Variants in UBXN7 observed in about 807,000 individuals in gnomAD.
UBXN7 encodes the protein UBX domain-containing protein 7.
Under a neutral mutation model 58.0 loss-of-function variants are expected in UBXN7, and 9 were observed. The ratio of observed to expected loss-of-function variants is 0.16; its 90% CI spans 0.09 to 0.27. The LOEUF (loss-of-function observed/expected upper bound fraction) is 0.27. Ranked by LOEUF, UBXN7 falls within the 10% of genes least tolerant of loss-of-function variation. UBXN7 has a pLI of 1.00. For synonymous variants in UBXN7, 208 were observed against 205.0 expected, an observed-to-expected ratio of 1.01 and a Z score of -0.12; for missense variants, 328 against 599.6, an observed-to-expected ratio of 0.55 and a Z score of 4.73.
At chr3:196,358,403 C>T (rs939429100) in intron 10 of UBXN7, among the ~76,000 whole-genome samples, 1 of 152,174 alleles carries the variant, frequency 6.6e-6, no homozygotes, top group Non-Finnish European at 1.5e-5. Context: ...ACATACCTTA[C>T]GTGGCTTACC....
chr3:196,367,279 T>C (rs556481861), intron 8 of UBXN7, among the ~76,000 whole-genome samples: 1 of 152,310 alleles, frequency 6.6e-6, no homozygotes, highest in East Asian at 1.9e-4. Flanking sequence ...GAGATTGCTG[T>C]ATCTTTGCAA....
In UBXN7 at chr3:196,360,937, G is replaced by C. The variant is rs564438925; in HGVS notation, c.1308+907C>G. 6.6e-5 allele frequency among the ~76,000 whole-genome samples: 10 copies of C among 152,272 alleles called. No homozygotes were observed. The East Asian group carries it at 1.9e-3, about 29-fold the overall frequency. The stretch of plus-strand genomic sequence containing the variant: ...AGGATCACTTGAGCCGGGGCGGGGA[G>C]TCAAGGTTACAGTGAGCTATGACCA... On this transcript the variant is annotated intron_variant, in intron 10 of 10. Transcript: ENST00000296328.
intron 1 of UBXN7, among the ~76,000 whole-genome samples, chr3:196,426,909 A>G (rs1433356624): frequency 6.6e-6 from 1 of 152,130 alleles, no homozygotes; most frequent in African/African-American, 2.4e-5. Flanking sequence ...CAAACATGAC[A>G]GCCCCTAATT....
intron 3 of UBXN7, among the ~76,000 whole-genome samples, chr3:196,401,741 C>T (rs1440183409): frequency 8.9e-6 from 1 of 111,734 alleles, no homozygotes; most frequent in African/African-American, 3.5e-5. Context: ...CCAGCCTGGG[C>T]AACATAGCAA....
chr3:196,383,540 T>C (rs975165662), intron 5 of UBXN7, among the ~76,000 whole-genome samples: 4 of 152,160 alleles, frequency 2.6e-5, no homozygotes, highest in Non-Finnish European at 4.4e-5. Context: ...ACTGACCACA[T>C]AGTTGGAAGT....
intron 5 of UBXN7, among the ~76,000 whole-genome samples, chr3:196,376,767 C>T (rs1274606008): frequency 1.3e-5 from 2 of 151,554 alleles, no homozygotes; most frequent in Non-Finnish European, 2.9e-5. Flanking sequence ...AAATATTGGC[C>T]GGGTCCAGTG....
chr3:196,364,875 A>T (rs940044657), intron 8 of UBXN7, among the ~76,000 whole-genome samples: 5 of 152,026 alleles, frequency 3.3e-5, no homozygotes, highest in African/African-American at 1.2e-4. Flanking sequence ...GGAAAATTTT[A>T]AAGTAAACTT....
At position 196,348,238 on chromosome 3, in the gene UBXN7, G is replaced by C. The variant is rs1728130702; in HGVS notation, c.*8447C>G. The C allele has an allele frequency of 6.6e-6, 1 of 151,586 alleles. No individual in the cohort carries two copies. The allele number at this position is 151,586 out of a possible 1,614,324, so 9.4% of individuals were successfully genotyped here. A position where few individuals can be genotyped will look rare whatever the true frequency, so the allele number is the denominator to read the frequency against. The stretch of plus-strand genomic sequence containing the variant: ...TACAGGAGGGTCTCTAATGTGTCTT[G>C]AACAAAAAAATTTAGTGGATGGTCC... On this transcript the variant is annotated 3_prime_UTR_variant, in exon 11 of 11. Coordinates refer to ENST00000296328, the MANE Select transcript of UBXN7 (RefSeq NM_015562.2).
chr3:196,365,551 T>A (rs933761849), intron 8 of UBXN7, among the ~76,000 whole-genome samples: 1 of 152,094 alleles, frequency 6.6e-6, no homozygotes, highest in Non-Finnish European at 1.5e-5. Flanking sequence ...TATAGGCACA[T>A]GCCACACCCC....
At chr3:196,367,754 T>G (rs1297012033) in intron 8 of UBXN7, among the ~76,000 whole-genome samples, 1 of 152,168 alleles carries the variant, frequency 6.6e-6, no homozygotes, top group Non-Finnish European at 1.5e-5. Context: ...CTATTCACAT[T>G]GCTTCCTTCT....
intron 9 of UBXN7, 149 bp from the exon 10 acceptor site, chr3:196,362,072 C>T (rs1395085469): frequency 9.2e-6 from 9 of 982,730 alleles, no homozygotes; most frequent in African/African-American, 4.9e-5. Context: ...CAGCTCACTG[C>T]AACCTCCGCC....
intron 1 of UBXN7, among the ~76,000 whole-genome samples, chr3:196,425,711 A>G (rs939100350): frequency 2.6e-5 from 4 of 152,162 alleles, no homozygotes; most frequent in African/African-American, 4.8e-5. Context: ...GGAATTATCA[A>G]TTCCCTAAAC....
chr3:196,368,112 G>C lies in UBXN7; in HGVS notation c.750C>G (p.Phe250Leu). ...VEWHQLDVSS[F>L]LDQVTGFLGE... is the part of the protein sequence containing the mutation. ...CCAGAAATCCCGTCACTTGGTCCAA[G>C]AAAGAAGATACATCTAACTGGTGCC... The change falls in exon 8 of 11, where the codon TTC becomes TTG. Residue 250 changes from phenylalanine (F) to leucine (L), a missense_variant. By Grantham distance (22) the Phe-to-Leu change is conservative (BLOSUM62 0). Around this residue, in one of 4 missense-constraint regions of UBXN7, gnomAD observed 126 missense variants for 302.6 expected, o/e 0.42. Transcript: ENST00000296328. 1 of 1,614,036 alleles carries C rather than the reference G, an allele frequency of 6.2e-7. No homozygotes were observed. The highest frequency in any genetic ancestry group is 8.5e-7 in the Non-Finnish European group (1 of 1,179,974).
At chr3:196,358,640 T>C (rs981327196) in intron 10 of UBXN7, among the ~76,000 whole-genome samples, 1 of 151,454 alleles carries the variant, frequency 6.6e-6, no homozygotes, top group African/African-American at 2.4e-5. Context: ...ACCTGGGAGG[T>C]TGAGGTGGGA....
intron 3 of UBXN7, among the ~76,000 whole-genome samples, chr3:196,401,533 C>G (rs1253141953): frequency 2.7e-5 from 4 of 149,646 alleles, no homozygotes; most frequent in African/African-American, 9.8e-5. Flanking sequence ...GAACAGAAAG[C>G]CAAATACCGG....
chr3:196,404,551 C>T (rs769563747), intron 2 of UBXN7, among the ~76,000 whole-genome samples: 35 of 137,322 alleles, frequency 2.5e-4, no homozygotes, highest in Non-Finnish European at 4.8e-4. Context: ...CGTGAGCCAC[C>T]GCGCCCGGCC....
chr3:196,396,491 G>T (rs1003555741), intron 3 of UBXN7, among the ~76,000 whole-genome samples: 4 of 152,068 alleles, frequency 2.6e-5, no homozygotes, highest in Non-Finnish European at 5.9e-5. Flanking sequence ...GGCTGGGCAT[G>T]GTAGCTCACG....
At chr3:196,422,377 A>G (rs950959331) in intron 1 of UBXN7, among the ~76,000 whole-genome samples, 7 of 151,858 alleles carry the variant, frequency 4.6e-5, no homozygotes, top group African/African-American at 1.7e-4. Flanking sequence ...GCTACTCAGG[A>G]GGCTGAGGCA....
intron 1 of UBXN7, among the ~76,000 whole-genome samples, chr3:196,422,456 G>C (rs1039508771): frequency 6.6e-6 from 1 of 151,574 alleles, no homozygotes; most frequent in Non-Finnish European, 1.5e-5. Flanking sequence ...CTCCACCAGG[G>C]GCAAGAGAAT....
Sources: allele counts gnomAD v4.1 joint callset (sites outside exome capture counted in the v4.1 genomes callset), GRCh38; gene constraint gnomAD v4.1.1; regional missense constraint gnomAD v4.1.1; transcripts MANE v1.5; gene names NCBI Gene and HGNC (gene_info 2026-07-23, HGNC 2026-07-21).